SEM1: variants seen among roughly 807,000 people sequenced by gnomAD.
SEM1 encodes the protein SEM1 26S proteasome subunit, also known as 26S proteasome complex subunit SEM1.
SEM1 carries 3 observed loss-of-function variants against 12.7 expected under a neutral mutation model. The observed-to-expected ratio is 0.24, with a 90% confidence interval of 0.11 to 0.61. The LOEUF is 0.61. Among genes scored for constraint, SEM1 ranks in the 20% least tolerant of loss-of-function variants. The pLI, the probability that SEM1 is intolerant of heterozygous loss-of-function variation, is 0.88. For synonymous variants in SEM1, 30 were observed against 27.8 expected, an observed-to-expected ratio of 1.08 and a Z score of -0.25; for missense variants, 59 against 81.3, an observed-to-expected ratio of 0.73 and a Z score of 1.06.
At chr7:96,598,096 G>T (rs1183746358) in intron 2 of SEM1, among the ~76,000 whole-genome samples, 1 of 152,072 alleles carries the variant, frequency 6.6e-6, no homozygotes, top group Non-Finnish European at 1.5e-5. Flanking sequence ...ACATTTTAAA[G>T]TCCTGGTCAC....
chr7:96,645,920 G>A (rs938544947), intron 2 of SEM1: 15 of 398,210 alleles, frequency 3.8e-5, no homozygotes, highest in African/African-American at 2.9e-4. Flanking sequence ...TATGGGTAGA[G>A]ATGATGCTGT....
rs1584841621 is a variant in SEM1, at chr7:96,658,661, C to T, written c.171-36018G>A. Among the ~76,000 whole-genome samples, 6 of 152,190 alleles carry T rather than the reference C, an allele frequency of 3.9e-5. 1 individual carries two copies. Among genetic ancestry groups the T allele is most frequent in the Admixed American group, 3.9e-4 (6 of 15,292 alleles). ...CTGTGCACAACTATTGTTGAAGAGA[C>T]CAGCCTGTAATCAAGAGGTCTTTCC... On this transcript the variant is annotated intron_variant, in intron 2 of 2. Coordinates refer to the SEM1 transcript ENST00000417009.
chr7:96,692,683 G>A (rs1297793278), intron 2 of SEM1, among the ~76,000 whole-genome samples: 1 of 152,122 alleles, frequency 6.6e-6, no homozygotes, highest in Non-Finnish European at 1.5e-5. Context: ...TACTGATCAT[G>A]AAGAATGAGA....
intron 2 of SEM1, among the ~76,000 whole-genome samples, chr7:96,571,615 T>TGTATATATGC (rs1806032686): frequency 6.6e-6 from 1 of 151,534 alleles, no homozygotes; most frequent in Non-Finnish European, 1.5e-5. Flanking sequence ...TATACATACA[T>TGTATATATGC]ATGTATGTAT....
intron 2 of SEM1, among the ~76,000 whole-genome samples, chr7:96,527,588 C>T (rs1804508269): frequency 6.6e-6 from 1 of 152,042 alleles, no homozygotes; most frequent in Admixed American, 6.5e-5. Flanking sequence ...CAATTCAATC[C>T]CTGTAAGTTT....
In SEM1 at chr7:96,583,874, G is replaced by A. The variant is rs1806507306; in HGVS notation, c.171-77176C>T. On this transcript the variant is annotated intron_variant and NMD_transcript_variant, in intron 2 of 3. Transcript: ENST00000466986. ...TTTGAGCCTATGTGTCTCTGCACGT[G>A]AGATGGGTTTCCTGAATACAGCACA... Among the ~76,000 whole-genome samples, 4 of 150,850 alleles carry A rather than the reference G, an allele frequency of 2.7e-5. 1 individual carries two copies. In the South Asian group the frequency reaches 8.6e-4, roughly 33 times the overall value.
intron 2 of SEM1, chr7:96,664,471 T>C (rs1789112588): frequency 6.6e-6 from 1 of 152,240 alleles, no homozygotes. Context: ...GGTTGAGAAG[T>C]TCTCGAGTTG....
At chr7:96,637,744 T>C (rs892462772) in intron 2 of SEM1, among the ~76,000 whole-genome samples, 2 of 152,016 alleles carry the variant, frequency 1.3e-5, no homozygotes, top group African/African-American at 4.8e-5. Flanking sequence ...CATTTGGGTA[T>C]GGACAGATGG....
downstream of SEM1, among the ~76,000 whole-genome samples, chr7:96,620,537 C>T (rs1349857165): frequency 1.3e-5 from 2 of 152,154 alleles, no homozygotes; most frequent in African/African-American, 4.8e-5. Context: ...TTGAGGGATT[C>T]TCTTGTAGCC....
chr7:96,585,445 G>A (rs556359292), intron 2 of SEM1, among the ~76,000 whole-genome samples: 139 of 141,668 alleles, frequency 9.8e-4, no homozygotes, highest in Middle Eastern at 7.4e-3. Context: ...GCCCCCAGAG[G>A]TGGAGCCTAC....
At chr7:96,610,711 T>A (rs1807513760) in intron 2 of SEM1, among the ~76,000 whole-genome samples, 1 of 152,192 alleles carries the variant, frequency 6.6e-6, no homozygotes. Flanking sequence ...ATGGCTTAAG[T>A]GGTTCAGAAA....
At chr7:96,558,939 G>C (rs1805612587) in intron 2 of SEM1, among the ~76,000 whole-genome samples, 1 of 152,160 alleles carries the variant, frequency 6.6e-6, no homozygotes, top group Admixed American at 6.5e-5. Flanking sequence ...TTCTGAGTTA[G>C]ATTTTCATAT....
chr7:96,608,045 G>GT (rs1325763645), intron 2 of SEM1, among the ~76,000 whole-genome samples: 1 of 152,160 alleles, frequency 6.6e-6, no homozygotes, highest in Non-Finnish European at 1.5e-5. Flanking sequence ...TCTGATGATG[G>GT]TATGTGTGGG....
At chr7:96,685,389 T>C (rs773697173), downstream of SEM1, among the ~76,000 whole-genome samples, 2 of 152,138 alleles carry the variant, frequency 1.3e-5, no homozygotes, top group African/African-American at 4.8e-5. Context: ...AACATTTATG[T>C]CTGTATCAAT....
chr7:96,552,363 C>G (rs1419653845), intron 2 of SEM1, among the ~76,000 whole-genome samples: 2 of 152,058 alleles, frequency 1.3e-5, no homozygotes, highest in African/African-American at 4.8e-5. Flanking sequence ...ACAACAGTCC[C>G]CAGAGTGTGA....
chr7:96,632,687 G>T (rs779769763), intron 2 of SEM1, among the ~76,000 whole-genome samples: 1 of 151,388 alleles, frequency 6.6e-6, no homozygotes, highest in African/African-American at 2.4e-5. Flanking sequence ...ATGTATCCCA[G>T]AATATAAAGT....
chr7:96,569,705 T>A (rs1231094747), intron 2 of SEM1, among the ~76,000 whole-genome samples: 1 of 152,104 alleles, frequency 6.6e-6, no homozygotes, highest in Non-Finnish European at 1.5e-5. Flanking sequence ...TCTGCATCTT[T>A]TTTTAGTCTC....
chr7:96,557,312 C>T (rs1253818663), intron 2 of SEM1, among the ~76,000 whole-genome samples: 1 of 146,748 alleles, frequency 6.8e-6, no homozygotes, highest in African/African-American at 2.5e-5. Context: ...TTTTCCCCAT[C>T]GTTGTGGTTT....
intron 2 of SEM1, among the ~76,000 whole-genome samples, chr7:96,567,447 T>C (rs1805875844): frequency 6.6e-6 from 1 of 151,630 alleles, no homozygotes; most frequent in African/African-American, 2.4e-5. Flanking sequence ...TAAAATTTAA[T>C]CATATATGTA....
Sources: gnomAD v4.1 joint callset for allele counts (sites outside exome capture counted in the v4.1 genomes callset) on GRCh38, gnomAD v4.1.1 for gene constraint, MANE v1.5 for transcripts, NCBI Gene and HGNC (gene_info 2026-07-23, HGNC 2026-07-21) for gene names.